The following LRMDA variants were observed in gnomAD, a reference collection of about 807,000 sequenced individuals.
LRMDA encodes leucine rich melanocyte differentiation associated.
LRMDA carries 18 observed loss-of-function variants against 29.8 expected under a neutral mutation model. The observed-to-expected ratio is 0.60, with a 90% CI of 0.42 to 0.90. The LOEUF is 0.90. Ranked by LOEUF, LRMDA falls within the 40% of genes least tolerant of loss-of-function variation. LRMDA has a pLI of 0.00. For missense variants in LRMDA, 273 were observed against 273.9 expected, an observed-to-expected ratio of 1.00 and a Z score of 0.02; for synonymous variants, 125 against 109.4, an observed-to-expected ratio of 1.14 and a Z score of -0.89.
chr10:75,821,795 C>CAACA (rs1554827941), intron 2 of LRMDA, among the ~76,000 whole-genome samples: 5 of 150,894 alleles, frequency 3.3e-5, no homozygotes, highest in Non-Finnish European at 7.4e-5. Context: ...AACAAACAAA[C>CAACA]AAAAAAAACC....
chr10:76,218,022 C>T (rs1032610781), intron 5 of LRMDA, among the ~76,000 whole-genome samples: 7 of 152,208 alleles, frequency 4.6e-5, no homozygotes, highest in African/African-American at 1.7e-4. Context: ...GTGACCTTCC[C>T]TTCTCCCTGC....
chr10:76,279,545 T>G (rs1282134430), intron 5 of LRMDA, among the ~76,000 whole-genome samples: 1 of 144,894 alleles, frequency 6.9e-6, no homozygotes, highest in East Asian at 2.0e-4. Flanking sequence ...GCTTCTTTTT[T>G]TTTTTTTTTT....
intron 2 of LRMDA, among the ~76,000 whole-genome samples, chr10:75,774,609 G>A (rs1843285870): frequency 6.6e-6 from 1 of 151,982 alleles, no homozygotes; most frequent in Non-Finnish European, 1.5e-5. Context: ...TTATGACAAA[G>A]CATATTACCA....
rs549743858 is a variant in LRMDA at position 76,506,060 on chromosome 10, A to G, written c.602-51149A>G. Among the ~76,000 whole-genome samples, 43 of 152,242 alleles carry G rather than the reference A, an allele frequency of 2.8e-4. No individual in the cohort carries two copies. The South Asian group carries it at 8.3e-3, about 29-fold the overall frequency. ...TCCCTGACATTTGACAAATCTATGCAGGGTTCCCAGCTTCCTCCCTCTTCA... is the reference window on the plus strand; with the variant it reads ...TCCCTGACATTTGACAAATCTATGCGGGGTTCCCAGCTTCCTCCCTCTTCA... On this transcript the variant is annotated intron_variant, in intron 6 of 6. Coordinates refer to ENST00000611255, the MANE Select transcript of LRMDA (RefSeq NM_001305581.2).
chr10:76,050,532 T>C (rs535384584), intron 4 of LRMDA, among the ~76,000 whole-genome samples: 1 of 152,344 alleles, frequency 6.6e-6, no homozygotes, highest in South Asian at 2.1e-4. Flanking sequence ...CCTGTTATTA[T>C]AGGAGCTTAA....
chr10:75,809,614 A>G (rs1843920792), intron 2 of LRMDA, among the ~76,000 whole-genome samples: 1 of 152,198 alleles, frequency 6.6e-6, no homozygotes, highest in Non-Finnish European at 1.5e-5. Flanking sequence ...ACTGCACTCC[A>G]GCCTGGGTGA....
chr10:76,343,159 A>C (rs982833905), intron 6 of LRMDA, among the ~76,000 whole-genome samples: 3 of 152,220 alleles, frequency 2.0e-5, no homozygotes, highest in Non-Finnish European at 4.4e-5. Context: ...AGCTGATCCC[A>C]ATGCTATTTA....
intron 2 of LRMDA, among the ~76,000 whole-genome samples, chr10:75,545,570 C>T (rs1840070417): frequency 6.6e-6 from 1 of 152,108 alleles, no homozygotes; most frequent in Admixed American, 6.6e-5. Context: ...TATATGACAA[C>T]TATGTAGAAA....
chr10:76,354,048 G>A (rs1252446693), intron 6 of LRMDA, among the ~76,000 whole-genome samples: 5 of 152,128 alleles, frequency 3.3e-5, no homozygotes, highest in South Asian at 4.1e-4. Flanking sequence ...GGGATGGGCA[G>A]GAAACTGTGT....
chr10:75,774,629 CATGCT>C (rs1843286272), intron 2 of LRMDA, among the ~76,000 whole-genome samples: 1 of 151,996 alleles, frequency 6.6e-6, no homozygotes, highest in South Asian at 2.1e-4. Context: ...ATAATGTAAC[CATGCT>C]TGGAAAACTG....
At chr10:76,509,799 G>T (rs538731063) in intron 6 of LRMDA, among the ~76,000 whole-genome samples, 6 of 152,106 alleles carry the variant, frequency 3.9e-5, no homozygotes, top group Non-Finnish European at 5.9e-5. Flanking sequence ...CACTGTAAGC[G>T]CAGGGCAGGC....
intron 2 of LRMDA, among the ~76,000 whole-genome samples, chr10:75,761,496 G>C (rs886438496): frequency 6.6e-6 from 1 of 152,160 alleles, no homozygotes; most frequent in Non-Finnish European, 1.5e-5. Flanking sequence ...AATTCATAGA[G>C]ACAGAAAGAA....
intron 2 of LRMDA, among the ~76,000 whole-genome samples, chr10:76,024,498 CTCCTGGGGCCTTCTTTCCTGCTGG>C (rs1848028758): frequency 6.6e-6 from 1 of 152,226 alleles, no homozygotes; most frequent in Admixed American, 6.5e-5. Flanking sequence ...GTCACCATAT[CTCCTGGGGCCTTCTTTCCTGCTGG>C]AGACATAAAG....
intron 2 of LRMDA, among the ~76,000 whole-genome samples, chr10:75,966,801 C>T (rs766538465): frequency 6.6e-6 from 1 of 152,204 alleles, no homozygotes. Context: ...AATTACCCTG[C>T]CTTTCAGGCT....
intron 2 of LRMDA, among the ~76,000 whole-genome samples, chr10:75,874,189 TA>T (rs1564593335): frequency 6.6e-6 from 1 of 152,082 alleles, no homozygotes; most frequent in Non-Finnish European, 1.5e-5. Context: ...GTTAATTAAG[TA>T]AAAGTCGGGG....
intron 2 of LRMDA, among the ~76,000 whole-genome samples, chr10:75,774,423 A>C (rs1843282412): frequency 6.6e-6 from 1 of 152,194 alleles, no homozygotes; most frequent in Non-Finnish European, 1.5e-5. Flanking sequence ...GATTCATAAC[A>C]GTTCAGTTAA....
In LRMDA at chr10:75,956,469, C is replaced by G. The variant is rs576816674; in HGVS notation, c.132-79539C>G. Among the ~76,000 whole-genome samples the G allele has an allele frequency of 9.9e-5, 15 of 152,256 alleles. No individual in the cohort carries two copies. The South Asian group carries it at 2.5e-3, about 25-fold the overall frequency. On this transcript the variant is annotated intron_variant, in intron 2 of 6. Coordinates refer to ENST00000611255, the MANE Select transcript of LRMDA (RefSeq NM_001305581.2). Reference sequence around the variant, plus strand: ...CAAAACACATAAGGACCTGTAGGCACCGTTTTTTGCTCTGGGCTTAAACAC... The same window carrying G: ...CAAAACACATAAGGACCTGTAGGCAGCGTTTTTTGCTCTGGGCTTAAACAC...
intron 5 of LRMDA, among the ~76,000 whole-genome samples, chr10:76,309,140 C>T (rs1306011490): frequency 6.6e-6 from 1 of 151,972 alleles, no homozygotes; most frequent in Non-Finnish European, 1.5e-5. Context: ...ATTGGGTAAA[C>T]CAAAAAGGGA....
At chr10:75,641,918 C>T (rs1370794471) in intron 2 of LRMDA, among the ~76,000 whole-genome samples, 1 of 152,070 alleles carries the variant, frequency 6.6e-6, no homozygotes, top group Admixed American at 6.6e-5. Context: ...CTTTGTCAGG[C>T]CATGAAGTTT....
Sources: gnomAD v4.1 joint callset for allele counts (sites outside exome capture counted in the v4.1 genomes callset) on GRCh38, gnomAD v4.1.1 for gene constraint, MANE v1.5 for transcripts, NCBI Gene and HGNC (gene_info 2026-07-23, HGNC 2026-07-21) for gene names.